The following SYTL2 variants were observed in gnomAD, a reference collection of about 807,000 sequenced individuals.
SYTL2 encodes the protein synaptotagmin-like protein 2.
SYTL2 carries 165 observed loss-of-function variants against 198.7 expected under a neutral mutation model. The observed-to-expected ratio is 0.83, with a 90% CI of 0.73 to 0.94. The LOEUF is 0.94. Ranked by LOEUF, SYTL2 falls within the 40% of genes least tolerant of loss-of-function variation. The pLI is 0.00. For synonymous variants in SYTL2, 966 were observed against 917.7 expected (o/e 1.05, Z -0.95); for missense variants, 2,835 against 2,582.8 (o/e 1.10, Z -2.12).
At chr11:85,718,429 A>C (rs181440706) in intron 10 of SYTL2, 191 of 217,566 alleles carry the variant, frequency 8.8e-4, no homozygotes, top group Admixed American at 5.8e-3. Context: ...AGAATCAAAC[A>C]GAAGAATAAC....
intron 1 of SYTL2, among the ~76,000 whole-genome samples, chr11:85,797,149 T>A (rs2092815541): frequency 6.6e-6 from 1 of 152,166 alleles, no homozygotes; most frequent in African/African-American, 2.4e-5. Context: ...GGACTACAGG[T>A]GTGCAGCTCA....
chr11:85,695,423 C>A lies in SYTL2; in HGVS notation c.6575-83G>T, dbSNP rs113014722. 361 of 1,202,994 alleles carry A rather than the reference C, an allele frequency of 3.0e-4. 1 individual carries two copies. The African/African-American group carries it at 4.7e-3, about 16-fold the overall frequency. 74.5% of individuals were successfully genotyped at this position (1,202,994 alleles called of 1,614,324 possible). A position where few individuals can be genotyped will look rare whatever the true frequency, so the allele number is the denominator to read the frequency against. ...AGGGAAAGTTATTCCCTAATTATAA[C>A]CACCAGTGGAAGCTAGGAGGAGCTT... On this transcript the variant is annotated intron_variant, in intron 19 of 19. Coordinates refer to ENST00000359152, the MANE Select transcript of SYTL2 (RefSeq NM_206927.4).
chr11:85,824,516 G>A, the SYTL2 span, among the ~76,000 whole-genome samples: 1 of 152,198 alleles, frequency 6.6e-6, no homozygotes. Context: ...AAGTCACACT[G>A]AGTGTCTTGG....
At chr11:85,712,582 C>A (rs2153428941) in intron 12 of SYTL2, among the ~76,000 whole-genome samples, 1 of 152,230 alleles carries the variant, frequency 6.6e-6, no homozygotes, top group East Asian at 1.9e-4. Context: ...GATACACAAA[C>A]CCAGATGATT....
chr11:85,782,768 C>T (rs1447803820), intron 1 of SYTL2, among the ~76,000 whole-genome samples: 2 of 152,196 alleles, frequency 1.3e-5, no homozygotes, highest in African/African-American at 4.8e-5. Context: ...GTTCAAATCT[C>T]TAAGACAGGG....
intron 16 of SYTL2, 81 bp from the exon 17 acceptor site, chr11:85,700,674 A>G (rs2084155768): frequency 9.7e-7 from 1 of 1,029,836 alleles, no homozygotes; most frequent in Admixed American, 1.7e-5. Flanking sequence ...ACAGAACCAT[A>G]TCTGTCCCAT....
At chr11:85,853,351 A>G in the SYTL2 span, 5 of 444,466 alleles carry the variant, frequency 1.1e-5, no homozygotes, top group Admixed American at 7.2e-5. Context: ...CTGTTGATCT[A>G]TGACCTTGCC....
chr11:85,773,204 A>G (rs2092389575), intron 1 of SYTL2, among the ~76,000 whole-genome samples: 1 of 152,188 alleles, frequency 6.6e-6, no homozygotes, highest in South Asian at 2.1e-4. Flanking sequence ...TGCCATTGTA[A>G]GACTCCCTGG....
chr11:85,737,118 A>T (rs2090408691), intron 5 of SYTL2, among the ~76,000 whole-genome samples: 1 of 152,228 alleles, frequency 6.6e-6, no homozygotes, highest in Non-Finnish European at 1.5e-5. Context: ...TCTAATGATA[A>T]AAATGGTATC....
chr11:85,727,045 T>A lies in SYTL2; in HGVS notation c.2313A>T (p.Gln771His), dbSNP rs1051228976. ...NGSPWKKPEV[Q>H]FQQEAGEVPK... Reference sequence around the variant, plus strand: ...GAACCTCACCAGCTTCTTGCTGGAATTGGACCTCAGGCTTCTTCCAAGGAG... The same window carrying A: ...GAACCTCACCAGCTTCTTGCTGGAAATGGACCTCAGGCTTCTTCCAAGGAG... The change falls in exon 8 of 20, where the codon CAA (glutamine) becomes CAT (histidine). Residue 771 changes from glutamine to histidine, a missense_variant. Gln to His is a conservative substitution (Grantham distance 24). Around this residue, in one of 3 missense-constraint regions of SYTL2, gnomAD observed 2,645 missense variants for 2,381.7 expected, o/e 1.11. Transcript: ENST00000359152. 6 of 1,536,304 alleles carry A rather than the reference T, an allele frequency of 3.9e-6. No homozygotes were observed. Among genetic ancestry groups the A allele is most frequent in the African/African-American group, 1.4e-5 (1 of 73,044 alleles).
chr11:85,840,784 T>C, the SYTL2 span, among the ~76,000 whole-genome samples: 44 of 152,100 alleles, frequency 2.9e-4, no homozygotes, highest in Non-Finnish European at 5.6e-4. Flanking sequence ...ACCCAGGCAA[T>C]ACCATTCTGG....
intron 1 of SYTL2, among the ~76,000 whole-genome samples, chr11:85,777,832 T>TTTTTTG (rs2092481026): frequency 7.3e-6 from 1 of 137,488 alleles, no homozygotes; most frequent in Non-Finnish European, 1.5e-5. Flanking sequence ...TTTTTTTTTT[T>TTTTTTG]TTTTTGAGAC....
chr11:85,820,612 C>T, the SYTL2 span, among the ~76,000 whole-genome samples: 23 of 152,080 alleles, frequency 1.5e-4, no homozygotes, highest in Non-Finnish European at 2.6e-4. Context: ...CTGGCATGTA[C>T]GAGAGTTTAA....
intron 7 of SYTL2, among the ~76,000 whole-genome samples, chr11:85,728,199 G>A (rs990972127): frequency 3.3e-5 from 5 of 152,146 alleles, no homozygotes; most frequent in Admixed American, 1.3e-4. Context: ...GAAGTACATG[G>A]TATAGACCTA....
At chr11:85,746,855 A>T (rs1470312004) in intron 3 of SYTL2, among the ~76,000 whole-genome samples, 1 of 152,220 alleles carries the variant, frequency 6.6e-6, no homozygotes, top group East Asian at 1.9e-4. Context: ...AATATTTTGA[A>T]ATCCTGGCTC....
intron 1 of SYTL2, among the ~76,000 whole-genome samples, chr11:85,810,678 C>T (rs1437566585): frequency 1.3e-5 from 2 of 152,162 alleles, no homozygotes; most frequent in East Asian, 3.9e-4. Context: ...CTAGAAAACG[C>T]GATAGCTCAG....
At chr11:85,741,807 T>C (rs2090810810) in intron 4 of SYTL2, among the ~76,000 whole-genome samples, 1 of 152,156 alleles carries the variant, frequency 6.6e-6, no homozygotes, top group Non-Finnish European at 1.5e-5. Flanking sequence ...AGATGTGGCT[T>C]TAATTGATTG....
intron 1 of SYTL2, among the ~76,000 whole-genome samples, chr11:85,761,085 G>A (rs891935187): frequency 1.3e-5 from 2 of 152,052 alleles, no homozygotes; most frequent in Non-Finnish European, 2.9e-5. Context: ...CACTGGAGGT[G>A]CAGCAAGGGA....
At chr11:85,843,734 G>A in the SYTL2 span, among the ~76,000 whole-genome samples, 109 of 152,290 alleles carry the variant, frequency 7.2e-4, no homozygotes, top group Middle Eastern at 3.4e-3. Flanking sequence ...CTACAAGGAA[G>A]AATTAACATT....
Sources: allele counts gnomAD v4.1 joint callset (sites outside exome capture counted in the v4.1 genomes callset), GRCh38; gene constraint gnomAD v4.1.1; regional missense constraint gnomAD v4.1.1; transcripts MANE v1.5; gene names NCBI Gene and HGNC (gene_info 2026-07-23, HGNC 2026-07-21).